RIOK1: variants seen among roughly 807,000 people sequenced by gnomAD.
RIOK1 encodes the protein RIO kinase 1.
RIOK1 carries 66 observed loss-of-function variants against 73.5 expected under a neutral mutation model. That is an observed-to-expected ratio of 0.90 (90% CI 0.74 to 1.10). RIOK1 has a LOEUF of 1.10. Among genes scored for constraint, RIOK1 ranks in the 50% least tolerant of loss-of-function variants. The pLI is 0.00. For missense variants in RIOK1, 658 were observed against 699.8 expected (o/e 0.94, Z 0.67); for synonymous variants, 224 against 226.8 (o/e 0.99, Z 0.11).
In RIOK1 at chr6:7,390,024, A is replaced by G. The variant is rs376735534; in HGVS notation, c.22A>G (p.Met8Val). The G allele has an allele frequency of 1.9e-5, 29 of 1,555,394 alleles. No individual in the cohort carries two copies. In the African/African-American group the frequency reaches 3.1e-4, roughly 17 times the overall value. The change falls in exon 1 of 17, where the codon ATG (methionine) becomes GTG (valine). Residue 8 changes from methionine to valine, a missense_variant. Transcript: ENST00000379834. ...AGTCATGGACTACCGGCGGCTTCTC[A>G]TGAGCCGGGTGGTCCCCGGGCAATT... MDYRRLL[M>V]SRVVPGQFDD...
Position 7,389,911 on chromosome 6 carries a change from C to A in RIOK1, c.-92C>A. 1 of 976,562 alleles carries A rather than the reference C, an allele frequency of 1.0e-6. No individual in the cohort carries two copies. Among genetic ancestry groups the A allele is most frequent in the Non-Finnish European group, 1.5e-6 (1 of 659,844 alleles). 60.5% of individuals were successfully genotyped at this position (976,562 alleles called of 1,614,324 possible). A position where few individuals can be genotyped will look rare whatever the true frequency, so the allele number is the denominator to read the frequency against. On this transcript the variant is annotated 5_prime_UTR_variant, in exon 1 of 17. Coordinates refer to ENST00000379834, the MANE Select transcript of RIOK1 (RefSeq NM_031480.3). ...CTGAATGGTTTGCAAGGCGGATATC[C>A]ACGCCAAGGCCTTTGGATCGGCCGT...
intron 14 of RIOK1, chr6:7,411,669 A>G: frequency 6.4e-6 from 3 of 468,020 alleles, no homozygotes; most frequent in Admixed American, 7.7e-5. Flanking sequence ...TGAATCCAAC[A>G]AGCTGTAATT....
Position 7,398,722 on chromosome 6 carries a change from C to T in RIOK1, c.462C>T (p.Asp154=), listed in dbSNP as rs1561875815. Residue 154 remains aspartate (D), a synonymous_variant, in exon 5 of 17, where the codon GAC becomes GAT. Coordinates refer to ENST00000379834, the MANE Select transcript of RIOK1 (RefSeq NM_031480.3). ...GGTATCGCATCAAAGATAAGGCAGA[C>T]AGAGCAACTGTAGAACAGGTACAAT... is the stretch of plus-strand genomic sequence containing the variant. The part of the protein sequence containing the change: ...ADMYRIKDKA[D]RATVEQVLDP... The T allele has an allele frequency of 6.2e-7, 1 of 1,612,674 alleles. No individual in the cohort carries two copies. Among genetic ancestry groups the T allele is most frequent in the East Asian group, 2.2e-5 (1 of 44,808 alleles).
chr6:7,405,109 T>A, intron 11 of RIOK1, 88 bp downstream of exon 11: 1 of 1,241,722 alleles, frequency 8.1e-7, no homozygotes, highest in Non-Finnish European at 1.2e-6. Flanking sequence ...ATTTTCTCAC[T>A]AAATTGTTTG....
At position 7,389,913 on chromosome 6, in the gene RIOK1, C is replaced by G. The variant is rs1761282372; in HGVS notation, c.-90C>G. 4 of 1,018,880 alleles carry G rather than the reference C, an allele frequency of 3.9e-6. No homozygotes were observed. In the East Asian group the frequency reaches 1.1e-4, roughly 28 times the overall value. The allele number at this position is 1,018,880 out of a possible 1,614,324, so 63.1% of individuals were successfully genotyped here. On this transcript the variant is annotated 5_prime_UTR_variant, in exon 1 of 17. Transcript: ENST00000379834. ...GAATGGTTTGCAAGGCGGATATCCACGCCAAGGCCTTTGGATCGGCCGTGG... is the reference window on the plus strand; with the variant it reads ...GAATGGTTTGCAAGGCGGATATCCAGGCCAAGGCCTTTGGATCGGCCGTGG...
At chr6:7,414,493 T>A in intron 16 of RIOK1, 103 bp downstream of exon 16, 1 of 1,056,674 alleles carries the variant, frequency 9.5e-7, no homozygotes, top group African/African-American at 1.6e-5. Context: ...CTGAAAACAT[T>A]ATTGATAAGT....
At chr6:7,390,612 C>A (rs1159219288) in intron 1 of RIOK1, among the ~76,000 whole-genome samples, 1 of 152,120 alleles carries the variant, frequency 6.6e-6, no homozygotes. Flanking sequence ...AGGAGCTAAT[C>A]CTGGCAAGAG....
In RIOK1 at chr6:7,395,061, A is replaced by T; in HGVS notation, c.285A>T (p.Arg95=). ...WNGGSNPQAN[R]QTSDSSSAKM... ...CTGGAATTCCCTTCTAGGCAAATCG[A>T]CAGACCTCCGACAGCAGTTCAGCCA... The change falls in exon 3 of 17, where the codon CGA becomes CGT. Residue 95 remains arginine, a synonymous_variant. Transcript: ENST00000379834. The T allele has an allele frequency of 6.2e-7, 1 of 1,614,016 alleles. No individual in the cohort carries two copies. The highest frequency in any genetic ancestry group is 8.5e-7 in the Non-Finnish European group (1 of 1,179,888).
At chr6:7,393,645 A>G (rs1182397496) in intron 2 of RIOK1, among the ~76,000 whole-genome samples, 1 of 152,274 alleles carries the variant, frequency 6.6e-6, no homozygotes, top group African/African-American at 2.4e-5. Flanking sequence ...AATGCAGATT[A>G]AATTTGTAGA....
intron 6 of RIOK1, among the ~76,000 whole-genome samples, chr6:7,401,681 AAC>A (rs1190554234): frequency 6.7e-6 from 1 of 148,790 alleles, no homozygotes; most frequent in Non-Finnish European, 1.5e-5. Flanking sequence ...ATTTTTTTTA[AAC>A]AGAGTCTTTT....
At chr6:7,401,816 C>G (rs943032634) in intron 6 of RIOK1, among the ~76,000 whole-genome samples, 28 of 150,570 alleles carry the variant, frequency 1.9e-4, no homozygotes, top group Non-Finnish European at 3.8e-4. Flanking sequence ...ATAGCTGGGA[C>G]TACAGGCGTG....
chr6:7,409,532 G>T (rs1250931175), intron 12 of RIOK1, among the ~76,000 whole-genome samples: 1 of 151,406 alleles, frequency 6.6e-6, no homozygotes, highest in Non-Finnish European at 1.5e-5. Context: ...GATTACAGAC[G>T]TGAGCCTCAG....
intron 12 of RIOK1, among the ~76,000 whole-genome samples, chr6:7,408,433 C>T (rs1022255387): frequency 6.6e-6 from 1 of 152,162 alleles, no homozygotes. Flanking sequence ...GCCTGGTGAA[C>T]TTTAAAGCTC....
At chr6:7,411,047 AAGG>A (rs1733513097) in intron 13 of RIOK1, among the ~76,000 whole-genome samples, 1 of 152,218 alleles carries the variant, frequency 6.6e-6, no homozygotes, top group Admixed American at 6.5e-5. Flanking sequence ...AACAAAAATG[AAGG>A]AGAAGTGTTA....
chr6:7,393,113 T>A lies in RIOK1; in HGVS notation c.86T>A (p.Leu29Ter). 1 of 1,613,644 alleles carries A rather than the reference T, an allele frequency of 6.2e-7. No homozygotes were observed. The highest frequency in any genetic ancestry group is 8.5e-7 in the Non-Finnish European group (1 of 1,179,642). ...ADSSDSENRD[L>*]KTVKEKDDIL... The stretch of plus-strand genomic sequence containing the variant: ...GTTATTTCTAGTGAAAACAGAGACT[T>A]GAAGACAGTCAAAGAGAAGGATGAC... The change falls in exon 2 of 17, where the codon TTG becomes TAG. Residue 29 changes from leucine to a stop codon, truncating the protein, a stop_gained. Coordinates refer to ENST00000379834, the MANE Select transcript of RIOK1 (RefSeq NM_031480.3). LOFTEE classifies it high-confidence loss of function.
chr6:7,412,286 G>A (rs1268629930), intron 14 of RIOK1, among the ~76,000 whole-genome samples: 1 of 151,910 alleles, frequency 6.6e-6, no homozygotes, highest in Non-Finnish European at 1.5e-5. Context: ...ACTTGAACCC[G>A]GGAGGCGGAG....
intron 4 of RIOK1, 90 bp downstream of exon 4, chr6:7,396,862 C>T: frequency 2.8e-6 from 2 of 702,464 alleles, no homozygotes; most frequent in South Asian, 1.8e-5. Context: ...AGAGGATGTT[C>T]ATTTGTATAC....
At position 7,395,128 on chromosome 6, in the gene RIOK1, A is replaced by G. The variant is rs1761440015; in HGVS notation, c.352A>G (p.Asn118Asp). ...PADKVLRKFE[N>D]KINLDKLNVT... ...AGACAAGGTCTTACGGAAATTTGAG[A>G]ATAAAATTAATTTAGGTGAGTTTAC... The change falls in exon 3 of 17, where the codon AAT becomes GAT. Residue 118 changes from asparagine (N) to aspartate (D), a missense_variant. Asn to Asp is a conservative substitution (Grantham distance 23, BLOSUM62 1). Transcript: ENST00000379834. The G allele has an allele frequency of 6.2e-7, 1 of 1,612,258 alleles. No homozygotes were observed. Among genetic ancestry groups the G allele is most frequent in the Admixed American group, 1.7e-5 (1 of 59,982 alleles).
rs749041843 is a variant in RIOK1 at position 7,402,822 on chromosome 6, G to A, written c.692G>A (p.Arg231His). ...DKYVSGEFRF[R>H]HGYCKGNPRK... ...AAACATTTTTCTTATTCAAGATTTC[G>A]TCATGGCTATTGTAAAGGAAACCCT... The change falls in exon 8 of 17, where the codon CGT becomes CAT. Residue 231 changes from arginine to histidine, a missense_variant. Physicochemically the swap from Arg to His is conservative, Grantham distance 29 (BLOSUM62 0). Transcript: ENST00000379834. 16 of 1,611,930 alleles carry A rather than the reference G, an allele frequency of 9.9e-6. No homozygotes were observed. The highest frequency in any genetic ancestry group is 2.2e-5 in the South Asian group (2 of 90,666).
Sources: gnomAD v4.1 joint callset for allele counts (sites outside exome capture counted in the v4.1 genomes callset) on GRCh38, gnomAD v4.1.1 for gene constraint, MANE v1.5 for transcripts, NCBI Gene and HGNC (gene_info 2026-07-23, HGNC 2026-07-21) for gene names.